SLC4A9: variants seen among roughly 807,000 people sequenced by gnomAD.
The protein encoded by SLC4A9 is solute carrier family 4 member 9.
A neutral mutation model predicts 103.2 loss-of-function variants in SLC4A9; 102 were observed. The ratio of observed to expected loss-of-function variants is 0.99; its 90% CI spans 0.84 to 1.17. The LOEUF (loss-of-function observed/expected upper bound fraction) is 1.17. SLC4A9 is among the 50% of genes most tolerant of loss of function. The probability of loss-of-function intolerance (pLI) is 0.00; values close to 1 mark genes in which losing one functional copy is unlikely to be tolerated. For synonymous variants in SLC4A9, 453 were observed against 483.6 expected (o/e 0.94, Z 0.83); for missense variants, 1,091 against 1,193.7 (o/e 0.91, Z 1.27).
In SLC4A9 at chr5:140,360,874, C is replaced by A; in HGVS notation, c.293C>A (p.Pro98His). Residue 98 changes from proline to histidine, a missense_variant, in exon 2 of 22, where the codon CCC becomes CAC. Physicochemically the swap from Pro to His is moderately conservative, Grantham distance 77 (BLOSUM62 -2). Transcript: ENST00000506757. ...AAGRWSAPHVPTLALPSLQKL... is the reference protein window; with the variant it reads ...AAGRWSAPHVHTLALPSLQKL... ...GGCCGGTGGAGTGCCCCCCACGTGC[C>A]CACCCTGGCACTGCCCAGCCTCCAG... 1 of 1,612,036 alleles carries A rather than the reference C, an allele frequency of 6.2e-7. No individual in the cohort carries two copies. The highest frequency in any genetic ancestry group is 8.5e-7 in the Non-Finnish European group (1 of 1,179,470).
At position 140,363,723 on chromosome 5, in the gene SLC4A9, G is replaced by A. The variant is rs773155916; in HGVS notation, c.1080-5G>A. The A allele has an allele frequency of 1.9e-6, 3 of 1,613,174 alleles. No homozygotes were observed. The highest frequency in any genetic ancestry group is 1.3e-5 in the African/African-American group (1 of 74,738). On this transcript the variant is annotated splice_region_variant and splice_polypyrimidine_tract_variant and intron_variant, in intron 8 of 21. Transcript: ENST00000506757. This position sits in a 1 kb window ranked among gnomAD's most constrained non-coding sequence, Gnocchi z 4.5. ...CCTGGATCACTGACGACCCTCGGGC[G>A]GGAGGCTGTTTGGGGGCCTTATCCA...
In SLC4A9 at chr5:140,368,631, C is replaced by T. The variant is rs1171629157; in HGVS notation, c.2399C>T (p.Ala800Val). 1 of 1,613,500 alleles carries T rather than the reference C, an allele frequency of 6.2e-7. No individual in the cohort carries two copies. The highest frequency in any genetic ancestry group is 8.5e-7 in the Non-Finnish European group (1 of 1,179,766). The change falls in exon 17 of 22, where the codon GCC becomes GTC. Residue 800 changes from alanine to valine, a missense_variant. Ala to Val is a moderately conservative substitution (Grantham distance 64, BLOSUM62 0). Transcript: ENST00000506757. ...TGLVVFILTG[A>V]SIFLAPVLKF... ...CTGGTGGTGTTCATCCTTACAGGAGCCTCCATCTTCCTGGCACCTGTGCTC... is the reference window on the plus strand; with the variant it reads ...CTGGTGGTGTTCATCCTTACAGGAGTCTCCATCTTCCTGGCACCTGTGCTC...
intron 20 of SLC4A9, 75 bp from the exon 21 acceptor site, chr5:140,372,670 G>C: frequency 1.4e-6 from 2 of 1,464,206 alleles, no homozygotes; most frequent in Admixed American, 2.7e-5. Flanking sequence ...CTCACTGTGG[G>C]TTTACCTCTA....
intron 12 of SLC4A9, 112 bp downstream of exon 12, chr5:140,365,690 A>C (rs543639240): frequency 1.4e-6 from 2 of 1,419,042 alleles, no homozygotes; most frequent in South Asian, 1.3e-5. Flanking sequence ...AGGTGAGTAA[A>C]GCTTAGCCAT....
At position 140,371,485 on chromosome 5, in the gene SLC4A9, CA is replaced by C. The variant is rs1180448605; in HGVS notation, c.2535del (p.Lys845AsnfsTer14). ...TNRVKLLLMPAKHQPDLLLLR... is the reference protein window; with the variant it reads ...TNRVKLLLMPXKHQPDLLLLR... Reference sequence around the variant, plus strand: ...AGGGTGAAGCTGTTGTTGATGCCAGCAAAACACCAGCCAGACCTGCTACTCT... The same window carrying C: ...AGGGTGAAGCTGTTGTTGATGCCAGCAAACACCAGCCAGACCTGCTACTCT... On this transcript the variant is annotated frameshift_variant, in exon 19 of 22. Transcript: ENST00000506757. LOFTEE classifies it high-confidence loss of function. 1 of 1,613,912 alleles carries C rather than the reference CA, an allele frequency of 6.2e-7. No homozygotes were observed. Among genetic ancestry groups the C allele is most frequent in the African/African-American group, 1.3e-5 (1 of 74,932 alleles).
At chr5:140,372,447 A>G in intron 20 of SLC4A9, 50 bp downstream of exon 20, 1 of 1,588,136 alleles carries the variant, frequency 6.3e-7, no homozygotes, top group South Asian at 1.2e-5. Flanking sequence ...GGTTTGGGAG[A>G]GCGTTCTTGT....
chr5:140,369,301 A>G (rs991190515), intron 17 of SLC4A9, among the ~76,000 whole-genome samples: 4 of 152,036 alleles, frequency 2.6e-5, no homozygotes, highest in Admixed American at 2.6e-4. Context: ...AACAAAAAAA[A>G]ACCAAAAAAC....
intron 11 of SLC4A9, 139 bp from the exon 12 acceptor site, chr5:140,365,381 G>T (rs1767723275): frequency 1.5e-6 from 1 of 685,494 alleles, no homozygotes; most frequent in Middle Eastern, 2.5e-4. Flanking sequence ...TCGCACACTT[G>T]GTAGTGATAG....
At position 140,363,791 on chromosome 5, in the gene SLC4A9, G is replaced by A. The variant is rs1011520519; in HGVS notation, c.1143G>A (p.Leu381=). The change falls in exon 9 of 22, where the codon TTG becomes TTA. Residue 381 remains leucine (L), a synonymous_variant. Transcript: ENST00000506757. This position sits in a 1 kb window ranked among gnomAD's most constrained non-coding sequence, Gnocchi z 4.5. ...RKVPWYPSDF[L]DALHLQCFSA... ...TCCCGTGGTACCCCAGCGATTTCTT[G>A]GACGCCCTGCATCTCCAGTGCTTCT... is the stretch of plus-strand genomic sequence containing the variant. 1.9e-6 allele frequency: 3 copies of A among 1,613,928 alleles called. No homozygotes were observed. The African/African-American group carries it at 4.0e-5, about 22-fold the overall frequency.
intron 17 of SLC4A9, among the ~76,000 whole-genome samples, chr5:140,369,930 AG>A (rs1174149448): frequency 6.6e-6 from 1 of 151,830 alleles, no homozygotes; most frequent in East Asian, 1.9e-4. Context: ...TGAGCCCAGG[AG>A]GTCTAGGCTG....
rs534073715 is a variant in SLC4A9 at position 140,363,311 on chromosome 5, G to T, written c.963-128G>T. On this transcript the variant is annotated intron_variant, in intron 7 of 21. Coordinates refer to ENST00000506757, the MANE Select transcript of SLC4A9 (RefSeq NM_031467.3). The surrounding 1 kb of genome is among the most constrained non-coding windows in gnomAD (Gnocchi z 4.5). ...TGACCTGGACCTTCTAGAGGCCCAG[G>T]TGTCGCCATGGTTCCCTCGCCGGCA... 2.1e-6 allele frequency: 2 copies of T among 968,508 alleles called. No individual in the cohort carries two copies. The highest frequency in any genetic ancestry group is 3.1e-6 in the Non-Finnish European group (2 of 651,118). The allele number at this position is 968,508 out of a possible 1,614,324, so 60.0% of individuals were successfully genotyped here.
intron 14 of SLC4A9, among the ~76,000 whole-genome samples, 174 bp downstream of exon 14, chr5:140,366,438 G>A (rs1394459172): frequency 6.6e-6 from 1 of 152,164 alleles, no homozygotes; most frequent in African/African-American, 2.4e-5. Context: ...ATGAAGTACT[G>A]CAGCAGACAC....
Position 140,361,790 on chromosome 5 carries a change from C to T in SLC4A9, c.506-18C>T. ...CCAAAGCCTGTGGTCTTAATCACTG[C>T]ATAATCCTGTTTTGTAGGCTCTACT... On this transcript the variant is annotated intron_variant, in intron 3 of 21. Transcript: ENST00000506757. The T allele has an allele frequency of 6.2e-7, 1 of 1,613,908 alleles. No homozygotes were observed. Among genetic ancestry groups the T allele is most frequent in the Non-Finnish European group, 8.5e-7 (1 of 1,179,818 alleles).
chr5:140,360,858 AGTGCCCCCCAC>A lies in SLC4A9; in HGVS notation c.284_294del (p.Pro95HisfsTer80), dbSNP rs778621554. Reference sequence around the variant, plus strand: ...GTTGGAGGTGGCTGCAGGCCGGTGGAGTGCCCCCCACGTGCCCACCCTGGCACTGCCCAGCC... The same window carrying A: ...GTTGGAGGTGGCTGCAGGCCGGTGGAGTGCCCACCCTGGCACTGCCCAGCC... On this transcript the variant is annotated frameshift_variant, in exon 2 of 22. Transcript: ENST00000506757. LOFTEE classifies it high-confidence loss of function. 2 of 1,612,940 alleles carry A rather than the reference AGTGCCCCCCAC, an allele frequency of 1.2e-6. No homozygotes were observed. The highest frequency in any genetic ancestry group is 1.7e-6 in the Non-Finnish European group (2 of 1,179,718).
intron 21 of SLC4A9, among the ~76,000 whole-genome samples, chr5:140,374,376 A>G (rs1769182379): frequency 1.3e-5 from 2 of 151,780 alleles, no homozygotes; most frequent in Non-Finnish European, 1.5e-5. Context: ...CCTGGCCAAC[A>G]TGGTGAAACC....
intron 4 of SLC4A9, 50 bp from the exon 5 acceptor site, chr5:140,361,967 C>A: frequency 1.2e-6 from 2 of 1,612,976 alleles, no homozygotes; most frequent in East Asian, 2.2e-5. Flanking sequence ...GAGATCTTAT[C>A]CTCCCCAAAT....
chr5:140,372,736 C>G lies in SLC4A9; in HGVS notation c.2827-9C>G. On this transcript the variant is annotated splice_polypyrimidine_tract_variant and intron_variant, in intron 20 of 21. Coordinates refer to ENST00000506757, the MANE Select transcript of SLC4A9 (RefSeq NM_031467.3). ...ATTCTCAATCCATCTTGGGATCTGT[C>G]TTCCACAGTCAGAGCTGATGTATCA... 1 of 1,570,540 alleles carries G rather than the reference C, an allele frequency of 6.4e-7. No homozygotes were observed. Among genetic ancestry groups the G allele is most frequent in the Non-Finnish European group, 8.6e-7 (1 of 1,157,904 alleles).
chr5:140,365,600 G>T, intron 12 of SLC4A9, 22 bp downstream of exon 12: 1 of 1,608,362 alleles, frequency 6.2e-7, no homozygotes, highest in Non-Finnish European at 8.5e-7. Flanking sequence ...CTCCTGGGAG[G>T]TTCTAGGAAG....
chr5:140,363,686 G>A lies in SLC4A9; in HGVS notation c.1080-42G>A. On this transcript the variant is annotated intron_variant, in intron 8 of 21. Transcript: ENST00000506757. This position sits in a 1 kb window ranked among gnomAD's most constrained non-coding sequence, Gnocchi z 4.5. ...GGGAAAGTAGCGGGGATGCGGGTGTGGAGTGTGAAAACCTGGATCACTGAC... is the reference window on the plus strand; with the variant it reads ...GGGAAAGTAGCGGGGATGCGGGTGTAGAGTGTGAAAACCTGGATCACTGAC... 1 of 1,608,606 alleles carries A rather than the reference G, an allele frequency of 6.2e-7. No homozygotes were observed. Among genetic ancestry groups the A allele is most frequent in the South Asian group, 1.1e-5 (1 of 90,240 alleles).
Sources: allele counts gnomAD v4.1 joint callset (sites outside exome capture counted in the v4.1 genomes callset), GRCh38; gene constraint gnomAD v4.1.1; non-coding constraint Gnocchi (gnomAD v3.1); transcripts MANE v1.5; gene names NCBI Gene and HGNC (gene_info 2026-07-23, HGNC 2026-07-21).